The following ANKRD28 variants were observed in gnomAD, a reference collection of about 807,000 sequenced individuals.
The protein encoded by ANKRD28 is serine/threonine-protein phosphatase 6 regulatory ankyrin repeat subunit A.
A neutral mutation model predicts 126.5 loss-of-function variants in ANKRD28; 44 were observed. The ratio of observed to expected loss-of-function variants is 0.35; its 90% confidence interval spans 0.27 to 0.45. The LOEUF (loss-of-function observed/expected upper bound fraction) is 0.45. ANKRD28 is among the 20% of genes least tolerant of loss of function. ANKRD28 has a pLI of 1.00. For synonymous variants in ANKRD28, 442 were observed against 468.5 expected, an observed-to-expected ratio of 0.94 and a Z score of 0.73; for missense variants, 1,110 against 1,316.6, an observed-to-expected ratio of 0.84 and a Z score of 2.43.
At position 15,833,514 on chromosome 3, in the gene ANKRD28, T is replaced by C. The variant is rs948842785; in HGVS notation, c.27+25863A>G. Among the ~76,000 whole-genome samples, 1 of 136,646 alleles carries C rather than the reference T, an allele frequency of 7.3e-6. No individual in the cohort carries two copies. The highest frequency in any genetic ancestry group is 1.5e-5 in the Non-Finnish European group (1 of 67,060). The allele number at this position is 136,646 out of a possible 152,430, so 89.6% of individuals were successfully genotyped here. A position where few individuals can be genotyped will look rare whatever the true frequency, so the allele number is the denominator to read the frequency against. On this transcript the variant is annotated intron_variant, in intron 1 of 27. Coordinates refer to the ANKRD28 transcript ENST00000399451. This position sits in a 1 kb window ranked among gnomAD's most constrained non-coding sequence, Gnocchi z 4.4. ...TAAAAATATACTACATATTATGTAC[T>C]ATATATATATAAAATATATACATTA...
chr3:15,859,064 C>T (rs535064608), intron 1 of ANKRD28, among the ~76,000 whole-genome samples: 1 of 152,278 alleles, frequency 6.6e-6, no homozygotes, highest in South Asian at 2.1e-4. Flanking sequence ...GCCCGAGCCT[C>T]ACCTGGCAGG....
chr3:15,859,412 C>T (rs1644161981), exon 1 of ANKRD28: 4 of 1,525,196 alleles, frequency 2.6e-6, no homozygotes, highest in South Asian at 1.2e-5. Flanking sequence ...ATGGCGGTCG[C>T]CTCCGCGCCC....
intron 2 of ANKRD28, among the ~76,000 whole-genome samples, chr3:15,785,310 A>G (rs2059724138): frequency 6.6e-6 from 1 of 152,120 alleles, no homozygotes; most frequent in African/African-American, 2.4e-5. Context: ...TATTTCCAAA[A>G]GACCTATCAG....
intron 1 of ANKRD28, among the ~76,000 whole-genome samples, chr3:15,858,915 C>A (rs2126014871): frequency 6.6e-6 from 1 of 152,324 alleles, no homozygotes; most frequent in East Asian, 1.9e-4. Flanking sequence ...AGTAACTAGT[C>A]GCTAAGAGGA....
chr3:15,717,984 A>G (rs2470518), intron 8 of ANKRD28, among the ~76,000 whole-genome samples: 102,010 of 152,040 alleles, frequency 0.67, 34,694 homozygotes, highest in East Asian at 0.91. Context: ...GAAAAAAGAG[A>G]TAATATGGTA....
At chr3:15,822,305 T>C (rs113586618) in intron 1 of ANKRD28, among the ~76,000 whole-genome samples, 2 of 152,272 alleles carry the variant, frequency 1.3e-5, no homozygotes, top group African/African-American at 4.8e-5. Context: ...TGGGGAGTTG[T>C]TGGGGGGAGA....
intron 21 of ANKRD28, among the ~76,000 whole-genome samples, chr3:15,681,538 T>A (rs1372579517): frequency 1.3e-5 from 2 of 152,256 alleles, no homozygotes; most frequent in Admixed American, 1.3e-4. Flanking sequence ...ACTTTAGGAA[T>A]AAGATTCTTA....
At chr3:15,682,035 G>C (rs2067600418) in intron 21 of ANKRD28, among the ~76,000 whole-genome samples, 1 of 151,950 alleles carries the variant, frequency 6.6e-6, no homozygotes, top group African/African-American at 2.4e-5. Flanking sequence ...CATTCTCCAG[G>C]TATATGGGTT....
At position 15,833,366 on chromosome 3, in the gene ANKRD28, AAGTTATTC is replaced by A. The variant is rs1331487201; in HGVS notation, c.27+26003_27+26010del. ...TTCCTGCCCTCAAGCATTGGACTCC[AAGTTATTC>A]AGTTTTGGGGCTCGGACTGGCTATC... On this transcript the variant is annotated intron_variant, in intron 1 of 27. Transcript: ENST00000399451. The surrounding 1 kb of genome is among the most constrained non-coding windows in gnomAD (Gnocchi z 4.4). Among the ~76,000 whole-genome samples, 1 of 151,966 alleles carries A rather than the reference AAGTTATTC, an allele frequency of 6.6e-6. No individual in the cohort carries two copies. The highest frequency in any genetic ancestry group is 2.4e-5 in the African/African-American group (1 of 41,366).
At chr3:15,777,550 GTTAT>G (rs1260586371) in intron 2 of ANKRD28, among the ~76,000 whole-genome samples, 2 of 152,000 alleles carry the variant, frequency 1.3e-5, no homozygotes, top group African/African-American at 2.4e-5. Context: ...ATTTGTAACT[GTTAT>G]TTATTTCTCA....
chr3:15,820,428 C>G (rs898067904), intron 1 of ANKRD28, among the ~76,000 whole-genome samples: 1 of 152,074 alleles, frequency 6.6e-6, no homozygotes, highest in Non-Finnish European at 1.5e-5. Flanking sequence ...TGTGAAGATA[C>G]AATCAGCTAA....
chr3:15,778,935 G>T (rs796770200), intron 2 of ANKRD28, among the ~76,000 whole-genome samples: 5 of 152,298 alleles, frequency 3.3e-5, no homozygotes, highest in African/African-American at 9.6e-5. Context: ...GTATAAGTAT[G>T]TAGCATTTGC....
At chr3:15,831,087 C>A (rs1235749473) in intron 1 of ANKRD28, among the ~76,000 whole-genome samples, 1 of 152,136 alleles carries the variant, frequency 6.6e-6, no homozygotes, top group Non-Finnish European at 1.5e-5. Context: ...GCACCTTTAC[C>A]CACTGTTGGT....
At chr3:15,767,832 G>A (rs933537476) in intron 2 of ANKRD28, among the ~76,000 whole-genome samples, 1 of 150,942 alleles carries the variant, frequency 6.6e-6, no homozygotes, top group Non-Finnish European at 1.5e-5. Context: ...AGCTTGCAGT[G>A]AGCTGAGATG....
chr3:15,694,760 T>C lies in ANKRD28; in HGVS notation c.1740A>G (p.Thr580=), dbSNP rs1005635497. 1 of 1,613,422 alleles carries C rather than the reference T, an allele frequency of 6.2e-7. No homozygotes were observed. Among genetic ancestry groups the C allele is most frequent in the African/African-American group, 1.3e-5 (1 of 74,906 alleles). The change falls in exon 17 of 28, where the codon ACA becomes ACG. Residue 580 remains threonine, a synonymous_variant. Transcript: ENST00000683139. ...DMLSDSDNRA[T]ISPLHLAAYH... ...TCACAGCCAAGTGTAAAGGGCTTAT[T>C]GTTGCTCTATTATCTGAATCACTCA...
At chr3:15,673,048 A>T (rs2066543796) in intron 27 of ANKRD28, among the ~76,000 whole-genome samples, 2 of 152,162 alleles carry the variant, frequency 1.3e-5, no homozygotes, top group South Asian at 4.1e-4. Context: ...AAGTGCTAGG[A>T]CCATAGGCAT....
In ANKRD28 at chr3:15,812,363, G is replaced by C. The variant is rs2125888098; in HGVS notation, c.28-17057C>G. On this transcript the variant is annotated intron_variant, in intron 1 of 27. Transcript: ENST00000399451. This position sits in a 1 kb window ranked among gnomAD's most constrained non-coding sequence, Gnocchi z 4.1. ...TGGTGCCCTTAGGTAAATTTAGAAA[G>C]GGTTTGCAGTAACCAATGGAAAAGC... Among the ~76,000 whole-genome samples the C allele has an allele frequency of 6.6e-6, 1 of 152,136 alleles. No homozygotes were observed. The highest frequency in any genetic ancestry group is 2.1e-4 in the South Asian group (1 of 4,814).
Position 15,817,082 on chromosome 3 carries a change from G to A in ANKRD28, c.28-21776C>T, listed in dbSNP as rs1199682317. Among the ~76,000 whole-genome samples the A allele has an allele frequency of 1.3e-5, 2 of 152,052 alleles. No homozygotes were observed. The highest frequency in any genetic ancestry group is 2.9e-5 in the Non-Finnish European group (2 of 67,992). ...GAAACCCAAACAAAAGCACACATCT[G>A]AATACTGTAAAGGCCCAGTCTTCCA... On this transcript the variant is annotated intron_variant, in intron 1 of 27. Coordinates refer to the ANKRD28 transcript ENST00000399451. The surrounding 1 kb of genome is among the most constrained non-coding windows in gnomAD (Gnocchi z 4.5).
intron 1 of ANKRD28, among the ~76,000 whole-genome samples, chr3:15,829,530 C>A (rs2061144188): frequency 6.6e-6 from 1 of 152,132 alleles, no homozygotes; most frequent in African/African-American, 2.4e-5. Flanking sequence ...TCTAACTGAA[C>A]TTTGAATGGA....
Sources: gnomAD v4.1 joint callset for allele counts (sites outside exome capture counted in the v4.1 genomes callset) on GRCh38, gnomAD v4.1.1 for gene constraint, Gnocchi (gnomAD v3.1) non-coding constraint, MANE v1.5 for transcripts, NCBI Gene and HGNC (gene_info 2026-07-23, HGNC 2026-07-21) for gene names.